MCM10: variants seen among roughly 807,000 people sequenced by gnomAD.
MCM10 encodes the protein protein MCM10 homolog.
Under a neutral mutation model 109.9 loss-of-function variants are expected in MCM10, and 91 were observed. The ratio of observed to expected loss-of-function variants is 0.83; its 90% CI spans 0.70 to 0.99. The LOEUF (loss-of-function observed/expected upper bound fraction) is 0.99. Ranked by LOEUF, MCM10 falls within the 50% of genes least tolerant of loss-of-function variation. The probability of loss-of-function intolerance (pLI) is 0.00; values close to 1 mark genes in which losing one functional copy is unlikely to be tolerated. For missense variants in MCM10, 1,077 were observed against 1,061.2 expected, an observed-to-expected ratio of 1.01 and a Z score of -0.21; for synonymous variants, 380 against 387.2, an observed-to-expected ratio of 0.98 and a Z score of 0.22.
At chr10:13,200,948 C>G (rs1834489998) in intron 16 of MCM10, among the ~76,000 whole-genome samples, 1 of 152,132 alleles carries the variant, frequency 6.6e-6, no homozygotes, top group South Asian at 2.1e-4. Context: ...TGTTTGAGAC[C>G]AGCCTAGCCA....
chr10:13,180,530 A>G lies in MCM10; in HGVS notation c.853A>G (p.Arg285Gly). The G allele has an allele frequency of 6.2e-7, 1 of 1,614,154 alleles. No individual in the cohort carries two copies. Among genetic ancestry groups the G allele is most frequent in the Non-Finnish European group, 8.5e-7 (1 of 1,180,014 alleles). ...RLSQIKEKMAREKLEEIDWVT... is the reference protein window; with the variant it reads ...RLSQIKEKMAGEKLEEIDWVT... ...GTCTCAGATCAAGGAAAAGATGGCC[A>G]GAGAGAAGCTGGAAGAAATAGATTG... is the stretch of plus-strand genomic sequence containing the variant. Residue 285 changes from arginine (R) to glycine (G), a missense_variant, in exon 7 of 20, where the codon AGA (arginine) becomes GGA (glycine). Physicochemically the swap from Arg to Gly is moderately radical, Grantham distance 125. Coordinates refer to ENST00000378714, the MANE Select transcript of MCM10 (RefSeq NM_018518.5).
At chr10:13,191,500 A>G (rs1834346873) in intron 11 of MCM10, 101 bp downstream of exon 11, 2 of 827,914 alleles carry the variant, frequency 2.4e-6, no homozygotes, top group South Asian at 3.1e-5. Context: ...TGCTCCGGTG[A>G]TGGGTACACC....
Position 13,192,456 on chromosome 10 carries a change from A to T in MCM10, c.1633A>T (p.Met545Leu), listed in dbSNP as rs755485040. ...AGTCTGGGCTTCTGTTTCAGGGATT[A>T]TGGGGAGCCCAAAACCAGCCATCAA... The part of the protein sequence containing the change: ...HLAKATASGI[M>L]GSPKPAIKSI... The change falls in exon 13 of 20, where the codon ATG becomes TTG. Residue 545 changes from methionine to leucine, a missense_variant. Transcript: ENST00000378714. 21 of 1,614,186 alleles carry T rather than the reference A, an allele frequency of 1.3e-5. No homozygotes were observed. The highest frequency in any genetic ancestry group is 1.8e-5 in the Non-Finnish European group (21 of 1,180,026).
intron 1 of MCM10, among the ~76,000 whole-genome samples, chr10:13,163,098 G>A (rs879409609): frequency 2.7e-5 from 4 of 150,510 alleles, no homozygotes; most frequent in Non-Finnish European, 5.9e-5. Context: ...AGCACCTTTG[G>A]GAGTCCAAGG....
Position 13,191,413 on chromosome 10 carries a change from T to C in MCM10, c.1516+14T>C, listed in dbSNP as rs553310638. 2 of 1,605,516 alleles carry C rather than the reference T, an allele frequency of 1.2e-6. No individual in the cohort carries two copies. Among genetic ancestry groups the C allele is most frequent in the South Asian group, 2.2e-5 (2 of 90,892 alleles). ...GGCAAAAACTCGGTAACTTTGTTTT[T>C]CCATAAGAAATTTCTTTCTCCAGTT... is the stretch of plus-strand genomic sequence containing the variant. On this transcript the variant is annotated intron_variant, in intron 11 of 19. Transcript: ENST00000378714.
chr10:13,196,231 A>G (rs1429260269), intron 14 of MCM10, among the ~76,000 whole-genome samples: 1 of 151,814 alleles, frequency 6.6e-6, no homozygotes, highest in Non-Finnish European at 1.5e-5. Flanking sequence ...GAAATCTTAC[A>G]CAAAAGTCCA....
At chr10:13,193,672 T>G (rs1028438266) in intron 13 of MCM10, among the ~76,000 whole-genome samples, 1 of 152,130 alleles carries the variant, frequency 6.6e-6, no homozygotes, top group Admixed American at 6.6e-5. Context: ...TCAGGCAGAT[T>G]AGTTTGAAGT....
At position 13,172,232 on chromosome 10, in the gene MCM10, A is replaced by G; in HGVS notation, c.350-144A>G. The G allele has an allele frequency of 3.0e-6, 2 of 655,748 alleles. 1 individual carries two copies. The highest frequency in any genetic ancestry group is 3.9e-5 in the South Asian group (2 of 51,060). The allele number at this position is 655,748 out of a possible 1,614,324, so 40.6% of individuals were successfully genotyped here. A position where few individuals can be genotyped will look rare whatever the true frequency, so the allele number is the denominator to read the frequency against. ...AGACCTCTTTGAAGTACCAAAGTTA[A>G]TCATGAGCTTTGGGTATGTGATTAT... On this transcript the variant is annotated intron_variant, in intron 3 of 19. Transcript: ENST00000378714. This position sits in a 1 kb window ranked among gnomAD's most constrained non-coding sequence, Gnocchi z 5.2.
At chr10:13,178,841 A>G (rs1191150932) in intron 6 of MCM10, among the ~76,000 whole-genome samples, 6 of 152,246 alleles carry the variant, frequency 3.9e-5, no homozygotes, top group African/African-American at 1.4e-4. Context: ...ATCCATCAAC[A>G]TAGGCTATTT....
intron 11 of MCM10, 62 bp from the exon 12 acceptor site, chr10:13,192,193 T>C: frequency 1.9e-6 from 2 of 1,041,662 alleles, no homozygotes; most frequent in Non-Finnish European, 2.9e-6. Context: ...GAAAGTGGTA[T>C]GTCATATGAC....
intron 5 of MCM10, among the ~76,000 whole-genome samples, chr10:13,174,195 T>G (rs970865402): frequency 2.2e-5 from 3 of 133,346 alleles, no homozygotes; most frequent in Admixed American, 9.3e-5. Flanking sequence ...CAGGTTGGAG[T>G]GCAGTGGGAT....
chr10:13,161,815 A>C (rs1415802239), intron 1 of MCM10, among the ~76,000 whole-genome samples: 2 of 152,216 alleles, frequency 1.3e-5, no homozygotes, highest in African/African-American at 4.8e-5. Context: ...CTGGCCGTCT[A>C]CTAAGGAATC....
At position 13,209,122 on chromosome 10, in the gene MCM10, G is replaced by A. The variant is rs533444195; in HGVS notation, c.2530G>A (p.Gly844Arg). Residue 844 changes from glycine to arginine, a missense_variant, in exon 19 of 20, where the codon GGA becomes AGA. Gly to Arg is a moderately radical substitution (Grantham distance 125, BLOSUM62 -2). Coordinates refer to ENST00000378714, the MANE Select transcript of MCM10 (RefSeq NM_018518.5). ...NCGLYKWERDGMLKEKTGPKI... is the reference protein window; with the variant it reads ...NCGLYKWERDRMLKEKTGPKI... ...TGGCCTCTACAAATGGGAACGGGAC[G>A]GAATGCTAAAGGTATGCCATTTGCG... 16 of 1,612,946 alleles carry A rather than the reference G, an allele frequency of 9.9e-6. No homozygotes were observed. Among genetic ancestry groups the A allele is most frequent in the Middle Eastern group, 1.7e-4 (1 of 6,060 alleles).
At chr10:13,200,453 A>G (rs1341858452) in intron 16 of MCM10, among the ~76,000 whole-genome samples, 3 of 152,186 alleles carry the variant, frequency 2.0e-5, no homozygotes, top group Non-Finnish European at 2.9e-5. Flanking sequence ...CAGTATCACT[A>G]CTCTGAATGA....
At chr10:13,195,861 C>A (rs1219981244) in intron 14 of MCM10, among the ~76,000 whole-genome samples, 2 of 151,936 alleles carry the variant, frequency 1.3e-5, no homozygotes, top group African/African-American at 4.8e-5. Context: ...CCTCGGCCTC[C>A]CAAAGTACTA....
chr10:13,193,848 A>G (rs1246027538), intron 13 of MCM10, among the ~76,000 whole-genome samples: 1 of 152,218 alleles, frequency 6.6e-6, no homozygotes, highest in African/African-American at 2.4e-5. Flanking sequence ...TTGTTGGCCA[A>G]GGAAACCTTA....
Position 13,195,033 on chromosome 10 carries a change from C to G in MCM10, c.1746-8C>G. 1 of 1,610,824 alleles carries G rather than the reference C, an allele frequency of 6.2e-7. No homozygotes were observed. On this transcript the variant is annotated splice_polypyrimidine_tract_variant and splice_region_variant and intron_variant, in intron 13 of 19. Transcript: ENST00000378714. ...TGTTTGCGTATTTTGACTGTATGTT[C>G]TTTAAAGATTTCTGCAGAGCTCAAG...
intron 2 of MCM10, among the ~76,000 whole-genome samples, chr10:13,166,357 T>C (rs1477747343): frequency 6.6e-6 from 1 of 152,022 alleles, no homozygotes; most frequent in African/African-American, 2.4e-5. Flanking sequence ...AGCCAAGGGC[T>C]GGGCGCTGTG....
chr10:13,173,560 C>A (rs2131560630), intron 5 of MCM10, among the ~76,000 whole-genome samples: 1 of 152,238 alleles, frequency 6.6e-6, no homozygotes, highest in South Asian at 2.1e-4. Context: ...AGACCTAAGA[C>A]AAGATGGGCC....
Sources: gnomAD v4.1 joint callset for allele counts (sites outside exome capture counted in the v4.1 genomes callset) on GRCh38, gnomAD v4.1.1 for gene constraint, Gnocchi (gnomAD v3.1) non-coding constraint, MANE v1.5 for transcripts, NCBI Gene and HGNC (gene_info 2026-07-23, HGNC 2026-07-21) for gene names.